SPEG: variants seen among roughly 807,000 people sequenced by gnomAD.
SPEG encodes the protein striated muscle enriched protein kinase, also known as striated muscle preferentially expressed protein kinase.
A neutral mutation model predicts 300.4 loss-of-function variants in SPEG; 114 were observed. The ratio of observed to expected loss-of-function variants is 0.38; its 90% CI spans 0.33 to 0.44. The LOEUF (loss-of-function observed/expected upper bound fraction) is 0.44. SPEG is among the 20% of genes least tolerant of loss of function. The probability of loss-of-function intolerance (pLI) is 1.00; values close to 1 mark genes in which losing one functional copy is unlikely to be tolerated. For synonymous variants in SPEG, 1,964 were observed against 2,018.9 expected, an observed-to-expected ratio of 0.97 and a Z score of 0.73; for missense variants, 4,201 against 4,586.2, an observed-to-expected ratio of 0.92 and a Z score of 2.43.
chr2:219,491,356 C>G (rs915378941), intron 38 of SPEG, among the ~76,000 whole-genome samples: 4 of 152,188 alleles, frequency 2.6e-5, no homozygotes, highest in African/African-American at 9.7e-5. Context: ...CCACACTTTA[C>G]GGATGAGGCT....
Position 219,477,608 on chromosome 2 carries a change from C to T in SPEG, c.4730-81C>T, listed in dbSNP as rs1201308831. On this transcript the variant is annotated intron_variant, in intron 20 of 40. Coordinates refer to ENST00000312358, the MANE Select transcript of SPEG (RefSeq NM_005876.5). This position sits in a 1 kb window ranked among gnomAD's most constrained non-coding sequence, Gnocchi z 6.4. The stretch of plus-strand genomic sequence containing the variant: ...AACATTCTTGCACCTCTTCTCTCTT[C>T]TTCTTCTGTCCACCTGTCCCAGTCT... 1.4e-6 allele frequency: 2 copies of T among 1,407,676 alleles called. No homozygotes were observed. Among genetic ancestry groups the T allele is most frequent in the African/African-American group, 1.4e-5 (1 of 69,868 alleles). The allele number at this position is 1,407,676 out of a possible 1,614,324, so 87.2% of individuals were successfully genotyped here.
chr2:219,471,638 C>T, intron 13 of SPEG: 1 of 567,682 alleles, frequency 1.8e-6, no homozygotes, highest in East Asian at 3.0e-5. Context: ...AGGGACAGAC[C>T]AGAGGGGCCA....
At position 219,435,000 on chromosome 2, in the gene SPEG, G is replaced by C; in HGVS notation, c.23G>C (p.Arg8Pro). Residue 8 changes from arginine (R) to proline (P), a missense_variant, in exon 1 of 41, where the codon CGA (arginine) becomes CCA (proline). Arg to Pro is a moderately radical substitution (Grantham distance 103, BLOSUM62 -2). Coordinates refer to ENST00000312358, the MANE Select transcript of SPEG (RefSeq NM_005876.5). ...GCCATGCAGAAAGCCCGGGGCACGC[G>C]AGGCGAGGATGCGGGCACGAGGGCA... Reference protein sequence around the residue: MQKARGTRGEDAGTRAPP... With the variant: MQKARGTPGEDAGTRAPP... 6.6e-7 allele frequency: 1 copy of C among 1,505,796 alleles called. No individual in the cohort carries two copies. The highest frequency in any genetic ancestry group is 8.8e-7 in the Non-Finnish European group (1 of 1,135,014). The allele number at this position is 1,505,796 out of a possible 1,614,324, so 93.3% of individuals were successfully genotyped here.
intron 7 of SPEG, 54 bp from the exon 8 acceptor site, chr2:219,462,244 A>G (rs1690782236): frequency 6.9e-7 from 1 of 1,457,876 alleles, no homozygotes; most frequent in Non-Finnish European, 9.4e-7. Context: ...CACAGCCCCC[A>G]GGACCCAAGG....
intron 39 of SPEG, 68 bp downstream of exon 39, chr2:219,491,937 C>T (rs766338588): frequency 1.1e-5 from 16 of 1,428,380 alleles, no homozygotes; most frequent in Middle Eastern, 1.8e-4. Context: ...CACCTTCTGC[C>T]AACACCCTCT....
At position 219,485,343 on chromosome 2, in the gene SPEG, C is replaced by A; in HGVS notation, c.7610-3C>A. ...AAATACTCACGGGCCTGAGTCTTCA[C>A]AGCCCCAGGGGAAAGCCGAAGCCGG... On this transcript the variant is annotated splice_region_variant and splice_polypyrimidine_tract_variant and intron_variant, in intron 30 of 40. Coordinates refer to ENST00000312358, the MANE Select transcript of SPEG (RefSeq NM_005876.5). The A allele has an allele frequency of 6.2e-7, 1 of 1,604,094 alleles. No homozygotes were observed. Among genetic ancestry groups the A allele is most frequent in the South Asian group, 1.1e-5 (1 of 90,176 alleles).
At position 219,464,451 on chromosome 2, in the gene SPEG, C is replaced by G. The variant is rs375268036; in HGVS notation, c.2724C>G (p.Pro908=). 2.5e-6 allele frequency: 4 copies of G among 1,611,698 alleles called. No homozygotes were observed. Among genetic ancestry groups the G allele is most frequent in the South Asian group, 1.1e-5 (1 of 91,008 alleles). Residue 908 remains proline, a synonymous_variant, in exon 9 of 41, where the codon CCC becomes CCG. Coordinates refer to ENST00000312358, the MANE Select transcript of SPEG (RefSeq NM_005876.5). This position sits in a 1 kb window ranked among gnomAD's most constrained non-coding sequence, Gnocchi z 4.5. ...PVVSWLRNRQ[P]VRPDQRRFAE... ...CTGACAGGCTGAGAAACCGCCAGCC[C>G]GTGCGCCCAGACCAGCGGCGCTTTG...
intron 31 of SPEG, among the ~76,000 whole-genome samples, chr2:219,487,267 A>C (rs896050857): frequency 6.6e-6 from 1 of 152,216 alleles, no homozygotes; most frequent in Non-Finnish European, 1.5e-5. Flanking sequence ...GCATGTGCAC[A>C]GCCACCAGCT....
At position 219,462,336 on chromosome 2, in the gene SPEG, T is replaced by A; in HGVS notation, c.2655T>A (p.Asp885Glu). ...LMDQSVREGQ[D>E]VIMSIRVQGE... ...ACCAGTCAGTAAGAGAAGGCCAAGA[T>A]GTCATCATGAGCATCCGCGTGCAGG... The change falls in exon 8 of 41, where the codon GAT becomes GAA. Residue 885 changes from aspartate to glutamate, a missense_variant. Around this residue, in one of 4 missense-constraint regions of SPEG, gnomAD observed 1,047 missense variants for 1,356.8 expected, o/e 0.77. Coordinates refer to ENST00000312358, the MANE Select transcript of SPEG (RefSeq NM_005876.5). 1 of 1,570,218 alleles carries A rather than the reference T, an allele frequency of 6.4e-7. No individual in the cohort carries two copies. Among genetic ancestry groups the A allele is most frequent in the Non-Finnish European group, 8.6e-7 (1 of 1,156,428 alleles).
rs1323878835 is a variant in SPEG at position 219,435,378 on chromosome 2, TG to T, written c.388+18del. 1.3e-6 allele frequency: 2 copies of T among 1,526,378 alleles called. No homozygotes were observed. Among genetic ancestry groups the T allele is most frequent in the South Asian group, 1.2e-5 (1 of 83,692 alleles). The allele number at this position is 1,526,378 out of a possible 1,614,324, so 94.6% of individuals were successfully genotyped here. On this transcript the variant is annotated intron_variant, in intron 1 of 40. Coordinates refer to ENST00000312358, the MANE Select transcript of SPEG (RefSeq NM_005876.5). ...CTGGAGGTCGGAGGTAAAGGGCAGG[TG>T]GGGGCCGCGCCCGGCAGGGGCGGGG...
chr2:219,437,925 A>T (rs1408900550), intron 1 of SPEG, among the ~76,000 whole-genome samples: 2 of 152,186 alleles, frequency 1.3e-5, no homozygotes, highest in Non-Finnish European at 2.9e-5. Context: ...GAAGCCAAGC[A>T]AGGACCTGGC....
At chr2:219,442,857 C>G (rs983941480) in intron 1 of SPEG, among the ~76,000 whole-genome samples, 1 of 152,174 alleles carries the variant, frequency 6.6e-6, no homozygotes, top group African/African-American at 2.4e-5. Flanking sequence ...CCAGCTTCCA[C>G]CTGCAGCCTG....
Position 219,448,619 on chromosome 2 carries a change from C to T in SPEG, c.1461C>T (p.Ala487=). 2 of 1,479,508 alleles carry T rather than the reference C, an allele frequency of 1.4e-6. No homozygotes were observed. Among genetic ancestry groups the T allele is most frequent in the Middle Eastern group, 2.3e-4 (1 of 4,260 alleles). The allele number at this position is 1,479,508 out of a possible 1,614,324, so 91.6% of individuals were successfully genotyped here. Residue 487 remains alanine, a synonymous_variant, in exon 4 of 41, where the codon GCC becomes GCT. Coordinates refer to ENST00000312358, the MANE Select transcript of SPEG (RefSeq NM_005876.5). Reference sequence around the variant, plus strand: ...AGCGCACGCGTCAGCGCAGCCCGGCCTCAGACCTCGAGCTGCGCTTCGCCC... The same window carrying T: ...AGCGCACGCGTCAGCGCAGCCCGGCTTCAGACCTCGAGCTGCGCTTCGCCC... ...LDERTRQRSP[A]SDLELRFAQE...
In SPEG at chr2:219,451,250, G is replaced by A. The variant is rs1188768939; in HGVS notation, c.2228G>A (p.Cys743Tyr). Reference protein sequence around the residue: ...VAPGADVLLKCIITANPPPQV... With the variant: ...VAPGADVLLKYIITANPPPQV... ...CCAGGGGCAGATGTGCTGCTCAAGT[G>A]TATCATCACTGCCAACCCCCCGCCC... The change falls in exon 5 of 41, where the codon TGT becomes TAT. Residue 743 changes from cysteine (C) to tyrosine (Y), a missense_variant. Around this residue, in one of 4 missense-constraint regions of SPEG, gnomAD observed 1,258 missense variants for 1,293.9 expected, o/e 0.97. Transcript: ENST00000312358. This position sits in a 1 kb window ranked among gnomAD's most constrained non-coding sequence, Gnocchi z 6.4. 6.2e-7 allele frequency: 1 copy of A among 1,613,130 alleles called. No homozygotes were observed. Among genetic ancestry groups the A allele is most frequent in the East Asian group, 2.2e-5 (1 of 44,790 alleles).
chr2:219,482,751 C>T, intron 28 of SPEG, 33 bp from the exon 29 acceptor site: 1 of 1,607,972 alleles, frequency 6.2e-7, no homozygotes, highest in Non-Finnish European at 8.5e-7. Flanking sequence ...AGGTTGACAG[C>T]TTTCCCTCAA....
rs1690514774 is a variant in SPEG, at chr2:219,459,980, C to T, written c.2441-1902C>T. 6.6e-6 allele frequency among the ~76,000 whole-genome samples: 1 copy of T among 152,246 alleles called. No homozygotes were observed. Among genetic ancestry groups the T allele is most frequent in the African/African-American group, 2.4e-5 (1 of 41,470 alleles). On this transcript the variant is annotated intron_variant, in intron 6 of 40. Transcript: ENST00000312358. The surrounding 1 kb of genome is among the most constrained non-coding windows in gnomAD (Gnocchi z 4.9). ...GGGAGAAGGACATGTGACCCCTGCT[C>T]AACAGCCCCCTTCTCTCAGGTTCTG...
intron 6 of SPEG, chr2:219,460,613 C>A (rs371373894): frequency 8.1e-6 from 8 of 985,320 alleles, no homozygotes; most frequent in African/African-American, 1.7e-5. Context: ...GCAGATCCCG[C>A]GGCTTGGGAG....
chr2:219,443,440 A>C lies in SPEG; in HGVS notation c.389-1213A>C. The C allele has an allele frequency of 2.1e-6, 1 of 479,882 alleles. No homozygotes were observed. The allele number at this position is 479,882 out of a possible 1,614,324, so 29.7% of individuals were successfully genotyped here. On this transcript the variant is annotated intron_variant, in intron 1 of 40. Transcript: ENST00000312358. This position sits in a 1 kb window ranked among gnomAD's most constrained non-coding sequence, Gnocchi z 4.6. ...AGTTCATTGCCATGCTTTGGCAACC[A>C]GTACGTGGCTCCTGCTTGTCATGGC...
At position 219,484,019 on chromosome 2, in the gene SPEG, C is replaced by T; in HGVS notation, c.6556C>T (p.Pro2186Ser). 1 of 1,613,350 alleles carries T rather than the reference C, an allele frequency of 6.2e-7. No individual in the cohort carries two copies. Among genetic ancestry groups the T allele is most frequent in the Non-Finnish European group, 8.5e-7 (1 of 1,179,814 alleles). The change falls in exon 30 of 41, where the codon CCC (proline) becomes TCC (serine). Residue 2186 changes from proline (P) to serine (S), a missense_variant. Coordinates refer to ENST00000312358, the MANE Select transcript of SPEG (RefSeq NM_005876.5). The stretch of plus-strand genomic sequence containing the variant: ...CCCTGCACGGCCCAGCGCCCCCAAA[C>T]CCAGTACCCCTAAGTCTGCAGAACC... The part of the protein sequence containing the change: ...SSPARPSAPK[P>S]STPKSAEPSA...
Sources: allele counts gnomAD v4.1 joint callset (sites outside exome capture counted in the v4.1 genomes callset), GRCh38; gene constraint gnomAD v4.1.1; regional missense constraint gnomAD v4.1.1; non-coding constraint Gnocchi (gnomAD v3.1); transcripts MANE v1.5; gene names NCBI Gene and HGNC (gene_info 2026-07-23, HGNC 2026-07-21).